The following HLA-DRB5 variants were observed in gnomAD, a reference collection of about 807,000 sequenced individuals.
HLA-DRB5 encodes the protein major histocompatibility complex, class II, DR beta 5.
In HLA-DRB5, 11 loss-of-function variants were observed where a neutral mutation model predicts 22.4. The ratio of observed to expected loss-of-function variants is 0.49; its 90% CI spans 0.31 to 0.81. The LOEUF (loss-of-function observed/expected upper bound fraction) is 0.81. Ranked by LOEUF, HLA-DRB5 falls within the 40% of genes least tolerant of loss-of-function variation. HLA-DRB5 has a pLI of 0.05. For synonymous variants in HLA-DRB5, 57 were observed against 106.0 expected (o/e 0.54, Z 2.84); for missense variants, 106 against 274.4 (o/e 0.39, Z 4.34).
intron 2 of HLA-DRB5, among the ~76,000 whole-genome samples, chr6:32,521,296 AAC>A (rs1768834286): frequency 8.9e-5 from 1 of 11,232 alleles, no homozygotes; most frequent in Non-Finnish European, 1.8e-4. Context: ...TAAGAAAACA[AAC>A]AGAAAAAATA....
intron 1 of HLA-DRB5, among the ~76,000 whole-genome samples, chr6:32,523,894 T>C (rs146763062): frequency 0.15 from 10,721 of 73,162 alleles, 12 homozygotes; most frequent in Middle Eastern, 0.22. Context: ...CAGATAATTC[T>C]TTGTTGGTAA....
intron 2 of HLA-DRB5, among the ~76,000 whole-genome samples, chr6:32,519,985 TTTTACTGGTTGATGCTG>T (rs1474142761): frequency 4.3e-5 from 2 of 46,420 alleles, no homozygotes; most frequent in African/African-American, 1.7e-4. Flanking sequence ...AAGGTCTGCC[TTTTACTGGTTGATGCTG>T]GAAGAGTTTT....
At chr6:32,522,975 G>A (rs72508441) in intron 1 of HLA-DRB5, among the ~76,000 whole-genome samples, 74,481 of 103,874 alleles carry the variant, frequency 0.72, 28,087 homozygotes, top group Middle Eastern at 0.83. Flanking sequence ...ACTTCTTCAA[G>A]AAACTAGAAC....
chr6:32,529,267 G>C (rs115316551), intron 1 of HLA-DRB5, among the ~76,000 whole-genome samples: 9,241 of 70,888 alleles, frequency 0.13, 17 homozygotes, highest in Admixed American at 0.15. Flanking sequence ...TCTGATATTT[G>C]ACTATTTTTG....
intron 1 of HLA-DRB5, among the ~76,000 whole-genome samples, chr6:32,523,073 T>C (rs114066419): frequency 0.77 from 73,273 of 95,542 alleles, 30,075 homozygotes; most frequent in Middle Eastern, 0.91. Context: ...TGAAAAGCGT[T>C]GTGGGTGGTG....
intron 1 of HLA-DRB5, among the ~76,000 whole-genome samples, chr6:32,522,706 A>C (rs139910587): frequency 0.16 from 7,496 of 47,060 alleles, 1,733 homozygotes; most frequent in Middle Eastern, 0.36. Flanking sequence ...TGAGGCCAAA[A>C]ACCAAACACA....
chr6:32,521,419 GA>G (rs1768849955), intron 2 of HLA-DRB5, among the ~76,000 whole-genome samples: 1 of 93,370 alleles, frequency 1.1e-5, no homozygotes, highest in Non-Finnish European at 2.4e-5. Context: ...TTTTATTTCA[GA>G]GACTGCGTGA....
chr6:32,519,025 C>T (rs1768464729), intron 3 of HLA-DRB5, among the ~76,000 whole-genome samples: 1 of 100,678 alleles, frequency 9.9e-6, no homozygotes, highest in Non-Finnish European at 2.2e-5. Context: ...TTCTCCTCTT[C>T]CCAGATCACA....
In HLA-DRB5 at chr6:32,523,243, T is replaced by G. The variant is rs1424252592; in HGVS notation, c.101-1069A>C. ...AAAGAAATTTGTTCATAAAACTTAT[T>G]TGGCAAATTTCACCTGATAAGAGTA... is the stretch of plus-strand genomic sequence containing the variant. On this transcript the variant is annotated intron_variant, in intron 1 of 5. Transcript: ENST00000374975. Among the ~76,000 whole-genome samples, 2 of 40,694 alleles carry G rather than the reference T, an allele frequency of 4.9e-5. 1 individual carries two copies. The highest frequency in any genetic ancestry group is 1.8e-4 in the African/African-American group (2 of 10,962). 26.7% of individuals were successfully genotyped at this position (40,694 alleles called of 152,430 possible).
chr6:32,519,812 T>G (rs1768597550), intron 2 of HLA-DRB5, among the ~76,000 whole-genome samples, 161 bp from the exon 3 acceptor site: 1 of 93,236 alleles, frequency 1.1e-5, no homozygotes. Context: ...TGGAATTTAG[T>G]CTTTATAGTG....
chr6:32,519,008 C>T (rs1768459784), intron 3 of HLA-DRB5, among the ~76,000 whole-genome samples: 1 of 113,574 alleles, frequency 8.8e-6, no homozygotes, highest in African/African-American at 3.1e-5. Flanking sequence ...CAGGAAGGCC[C>T]CTACACTTCT....
chr6:32,525,253 A>T lies in HLA-DRB5; in HGVS notation c.101-3079T>A. Reference sequence around the variant, plus strand: ...TTAAATGGGTCACTTTTTGCCAACCATAAGCCTATTTGTAATCTATCAAAT... The same window carrying T: ...TTAAATGGGTCACTTTTTGCCAACCTTAAGCCTATTTGTAATCTATCAAAT... On this transcript the variant is annotated intron_variant, in intron 1 of 5. Transcript: ENST00000374975. Among the ~76,000 whole-genome samples, 2 of 33,412 alleles carry T rather than the reference A, an allele frequency of 6.0e-5. 1 individual carries two copies. Among genetic ancestry groups the T allele is most frequent in the South Asian group, 1.3e-3 (2 of 1,484 alleles). 21.9% of individuals were successfully genotyped at this position (33,412 alleles called of 152,430 possible). A position where few individuals can be genotyped will look rare whatever the true frequency, so the allele number is the denominator to read the frequency against.
chr6:32,520,210 C>G (rs140973961), intron 2 of HLA-DRB5, among the ~76,000 whole-genome samples: 15,113 of 37,330 alleles, frequency 0.4, 5,896 homozygotes, highest in Middle Eastern at 0.5. Context: ...GTTCCACTTG[C>G]CACCTATTTA....
intron 1 of HLA-DRB5, among the ~76,000 whole-genome samples, chr6:32,528,259 C>T (rs73727909): frequency 0.29 from 32,434 of 111,278 alleles, 3,517 homozygotes; most frequent in Middle Eastern, 0.4. Flanking sequence ...CTTCAGTGCA[C>T]TATGACTCTC....
intron 1 of HLA-DRB5, among the ~76,000 whole-genome samples, chr6:32,529,318 GTTGAATCTCTTCCT>G (rs1770038299): frequency 0.024 from 1,171 of 49,044 alleles, no homozygotes; most frequent in Middle Eastern, 0.04. Flanking sequence ...TCCTATGTTA[GTTGAATCTCTTCCT>G]GTCATGTCTA....
intron 1 of HLA-DRB5, among the ~76,000 whole-genome samples, chr6:32,523,208 T>C (rs73726180): frequency 2.7e-5 from 1 of 36,980 alleles, no homozygotes; most frequent in South Asian, 6.5e-4. Context: ...AAAGCTCAGA[T>C]ATTCAGTTAA....
chr6:32,522,466 C>T (rs151320068), intron 1 of HLA-DRB5, among the ~76,000 whole-genome samples: 443 of 36,896 alleles, frequency 0.012, 102 homozygotes, highest in East Asian at 0.087. Context: ...GGAGGATCCG[C>T]CCAGCACCGG....
In HLA-DRB5 at chr6:32,518,037, G is replaced by C. The variant is rs116047880; in HGVS notation, c.787+17C>G. The C allele has an allele frequency of 9.4e-6, 4 of 427,024 alleles. 2 individuals carry two copies. Among genetic ancestry groups the C allele is most frequent in the Non-Finnish European group, 1.3e-5 (4 of 310,534 alleles). The allele number at this position is 427,024 out of a possible 1,614,324, so 26.5% of individuals were successfully genotyped here. Reference sequence around the variant, plus strand: ...GAAAACTGAATCTGTTTCTAAAAGAGGATTAAAAGGTATTACCTGTTGGGT... The same window carrying C: ...GAAAACTGAATCTGTTTCTAAAAGACGATTAAAAGGTATTACCTGTTGGGT... On this transcript the variant is annotated intron_variant, in intron 5 of 5. Coordinates refer to ENST00000374975, the MANE Select transcript of HLA-DRB5 (RefSeq NM_002125.4).
chr6:32,521,072 C>T (rs181673758), intron 2 of HLA-DRB5, among the ~76,000 whole-genome samples: 1 of 39,022 alleles, frequency 2.6e-5, no homozygotes, highest in African/African-American at 9.7e-5. Flanking sequence ...TAAATAATAA[C>T]CAGAAACATA....
Sources: gnomAD v4.1 joint callset for allele counts (sites outside exome capture counted in the v4.1 genomes callset) on GRCh38, gnomAD v4.1.1 for gene constraint, MANE v1.5 for transcripts, NCBI Gene and HGNC (gene_info 2026-07-23, HGNC 2026-07-21) for gene names.